Variants in EEF1D observed in about 807,000 individuals in gnomAD.
EEF1D encodes the protein elongation factor 1-delta.
EEF1D carries 47 observed loss-of-function variants against 63.9 expected under a neutral mutation model. The ratio of observed to expected loss-of-function variants is 0.74; its 90% CI spans 0.58 to 0.94. The LOEUF is 0.94. Ranked by LOEUF, EEF1D falls within the 40% of genes least tolerant of loss-of-function variation. The pLI is 0.00. For missense variants in EEF1D, 907 were observed against 899.0 expected, an observed-to-expected ratio of 1.01 and a Z score of -0.11; for synonymous variants, 412 against 386.1, an observed-to-expected ratio of 1.07 and a Z score of -0.79.
intron 2 of EEF1D, chr8:143,592,344 G>A: frequency 1.1e-6 from 1 of 923,136 alleles, no homozygotes. Context: ...GCTCAGGGAG[G>A]GGAAGCCACT....
At position 143,589,249 on chromosome 8, in the gene EEF1D, C is replaced by T. The variant is rs547351853; in HGVS notation, c.833G>A (p.Arg278Gln). The change falls in exon 3 of 10, where the codon CGG becomes CAG. Residue 278 changes from arginine (R) to glutamine (Q), a missense_variant. Transcript: ENST00000618139. ...AEGARRGRRD[R>Q]RGRNILGNKR... ...GTTCCCTAAGATGTTGCGGCCCCGC[C>T]GGTCTCTGCGGCCCCGCCGGGCACC... The T allele has an allele frequency of 9.5e-6, 15 of 1,582,134 alleles. No homozygotes were observed. The highest frequency in any genetic ancestry group is 6.8e-5 in the South Asian group (6 of 88,060).
At chr8:143,587,522 T>TA in intron 3 of EEF1D, 1 of 152,254 alleles carries the variant, frequency 6.6e-6, no homozygotes, top group Non-Finnish European at 1.5e-5. Flanking sequence ...GTAGACAAGG[T>TA]TTCACCATGT....
intron 8 of EEF1D, 111 bp downstream of exon 8, chr8:143,580,395 C>A: frequency 7.2e-7 from 1 of 1,381,732 alleles, no homozygotes; most frequent in Admixed American, 2.1e-5. Flanking sequence ...CTAAACTCGG[C>A]TTTAAAGTCT....
At chr8:143,585,979 G>A (rs936091762) in intron 5 of EEF1D, 4 of 468,340 alleles carry the variant, frequency 8.5e-6, no homozygotes, top group Non-Finnish European at 1.5e-5. Flanking sequence ...CCCCACAGGA[G>A]CGGCCAGTGT....
intron 1 of EEF1D, among the ~76,000 whole-genome samples, chr8:143,595,646 A>T (rs1828673640): frequency 6.9e-6 from 1 of 144,924 alleles, no homozygotes; most frequent in Non-Finnish European, 1.5e-5. Context: ...GTAGCTACCC[A>T]ACCCACCCTG....
rs1825805483 is a variant in EEF1D at position 143,582,762 on chromosome 8, G to A, written c.1288-1434C>T. On this transcript the variant is annotated intron_variant, in intron 5 of 9. Transcript: ENST00000618139. ...GGGGGACTAGGGATGCCAGGCATCA[G>A]AATCCCTGAGCACAGCTTCAACGGG... is the stretch of plus-strand genomic sequence containing the variant. 2.6e-5 allele frequency: 4 copies of A among 152,240 alleles called. 1 individual carries two copies. The South Asian group carries it at 8.3e-4, about 31-fold the overall frequency. 9.4% of individuals were successfully genotyped at this position (152,240 alleles called of 1,614,324 possible). A position where few individuals can be genotyped will look rare whatever the true frequency, so the allele number is the denominator to read the frequency against.
At chr8:143,588,310 T>A (rs1401984713) in intron 3 of EEF1D, among the ~76,000 whole-genome samples, 1 of 152,118 alleles carries the variant, frequency 6.6e-6, no homozygotes, top group East Asian at 1.9e-4. Context: ...GCCTCGCCAC[T>A]TCCATGCCCT....
At position 143,586,211 on chromosome 8, in the gene EEF1D, G is replaced by A. The variant is rs760624568; in HGVS notation, c.1287+8C>T. The A allele has an allele frequency of 6.2e-7, 1 of 1,607,928 alleles. No individual in the cohort carries two copies. The highest frequency in any genetic ancestry group is 1.7e-5 in the Admixed American group (1 of 59,414). On this transcript the variant is annotated splice_region_variant and intron_variant, in intron 5 of 9. Coordinates refer to ENST00000618139, the MANE Select transcript of EEF1D (RefSeq NM_001130053.5). Reference sequence around the variant, plus strand: ...GAGCCCGCAGGTCCGTGGGCCGCGGGTACTCACTCCAGCCAGGGATTTCTG... The same window carrying A: ...GAGCCCGCAGGTCCGTGGGCCGCGGATACTCACTCCAGCCAGGGATTTCTG...
At chr8:143,588,569 A>G (rs1587178759) in intron 3 of EEF1D, among the ~76,000 whole-genome samples, 1 of 152,166 alleles carries the variant, frequency 6.6e-6, no homozygotes, top group Non-Finnish European at 1.5e-5. Flanking sequence ...GCAGGGACAC[A>G]CTGGCTCCCA....
rs965445480 is a variant in EEF1D at position 143,597,394 on chromosome 8, CG to C, written c.-62del. The C allele has an allele frequency of 1.3e-5, 2 of 151,928 alleles. No homozygotes were observed. Among genetic ancestry groups the C allele is most frequent in the African/African-American group, 4.8e-5 (2 of 41,346 alleles). 9.4% of individuals were successfully genotyped at this position (151,928 alleles called of 1,614,324 possible). ...ACCAAGGAGGAGGAATCGGCGGACG[CG>C]GGAAGACTGATGAAAGGGAGGGCCG... is the stretch of plus-strand genomic sequence containing the variant. On this transcript the variant is annotated 5_prime_UTR_variant, in exon 1 of 10. Coordinates refer to ENST00000618139, the MANE Select transcript of EEF1D (RefSeq NM_001130053.5).
intron 1 of EEF1D, among the ~76,000 whole-genome samples, chr8:143,595,495 C>T (rs374443855): frequency 9.8e-5 from 15 of 152,378 alleles, no homozygotes; most frequent in African/African-American, 2.9e-4. Context: ...TGAGCCACCA[C>T]GCCCAGCCGC....
chr8:143,588,050 C>G (rs960778279), intron 3 of EEF1D, among the ~76,000 whole-genome samples: 3 of 152,232 alleles, frequency 2.0e-5, no homozygotes, highest in African/African-American at 7.2e-5. Flanking sequence ...CTCTGCGTCC[C>G]TGACCCAGGA....
chr8:143,588,758 C>G (rs1827208410), intron 3 of EEF1D: 1 of 608,560 alleles, frequency 1.6e-6, no homozygotes, highest in East Asian at 3.0e-5. Flanking sequence ...CCCTTCCCTG[C>G]CCTCATCCAG....
intron 5 of EEF1D, 181 bp downstream of exon 5, chr8:143,586,038 G>T: frequency 1.9e-6 from 1 of 535,062 alleles, no homozygotes; most frequent in Non-Finnish European, 3.4e-6. Context: ...GCGAGAATAA[G>T]AACACTGTCC....
chr8:143,593,925 C>T, intron 1 of EEF1D: 1 of 985,420 alleles, frequency 1.0e-6, no homozygotes, highest in Non-Finnish European at 1.2e-6. Flanking sequence ...GTCTGAGCTT[C>T]AAAGCTTGCG....
intron 2 of EEF1D, among the ~76,000 whole-genome samples, chr8:143,591,628 T>G (rs897322133): frequency 6.6e-6 from 1 of 152,364 alleles, no homozygotes; most frequent in Non-Finnish European, 1.5e-5. Context: ...GCTGCTAGTC[T>G]GCTGCCTCCG....
chr8:143,595,153 T>C (rs899694488), intron 1 of EEF1D, among the ~76,000 whole-genome samples: 3 of 152,156 alleles, frequency 2.0e-5, no homozygotes, highest in Non-Finnish European at 2.9e-5. Context: ...CACTGCAACT[T>C]CCACCTCCCG....
intron 9 of EEF1D, 74 bp downstream of exon 9, chr8:143,579,938 G>A (rs965013454): frequency 1.0e-5 from 16 of 1,561,702 alleles, no homozygotes; most frequent in African/African-American, 6.8e-5. Flanking sequence ...CCCCACTGCC[G>A]TGGGGTGGAG....
At chr8:143,587,078 A>G (rs1826806478) in intron 3 of EEF1D, 1 of 460,872 alleles carries the variant, frequency 2.2e-6, no homozygotes, top group Non-Finnish European at 3.8e-6. Context: ...GAGGGTCCCC[A>G]GGCCCTTCCC....
Sources: allele counts gnomAD v4.1 joint callset (sites outside exome capture counted in the v4.1 genomes callset), GRCh38; gene constraint gnomAD v4.1.1; transcripts MANE v1.5; gene names NCBI Gene and HGNC (gene_info 2026-07-23, HGNC 2026-07-21).